The following ABCC1 variants were observed in gnomAD, a reference collection of about 807,000 sequenced individuals.
ABCC1 encodes the protein ATP binding cassette subfamily C member 1 (ABCC1 blood group).
Under a neutral mutation model 172.9 loss-of-function variants are expected in ABCC1, and 83 were observed. The observed-to-expected ratio is 0.48, with a 90% CI of 0.40 to 0.58. The LOEUF is 0.58. Ranked by LOEUF, ABCC1 falls within the 20% of genes least tolerant of loss-of-function variation. The probability of loss-of-function intolerance (pLI) is 0.00; values close to 1 mark genes in which losing one functional copy is unlikely to be tolerated. For missense variants in ABCC1, 1,817 were observed against 2,002.7 expected, an observed-to-expected ratio of 0.91 and a Z score of 1.77; for synonymous variants, 937 against 825.2, an observed-to-expected ratio of 1.14 and a Z score of -2.32.
rs2050358439 is a variant in ABCC1, at chr16:16,071,740, G to A, written c.1912+11G>A. 2 of 1,609,036 alleles carry A rather than the reference G, an allele frequency of 1.2e-6. No individual in the cohort carries two copies. Among genetic ancestry groups the A allele is most frequent in the South Asian group, 2.2e-5 (2 of 90,272 alleles). Reference sequence around the variant, plus strand: ...GGCCTGTCAAAGACGGTGTGTGTGTGTTCAGTCCTGGCTTCTGGAAGTGGC... The same window carrying A: ...GGCCTGTCAAAGACGGTGTGTGTGTATTCAGTCCTGGCTTCTGGAAGTGGC... On this transcript the variant is annotated intron_variant, in intron 14 of 30. Transcript: ENST00000399410.
intron 11 of ABCC1, among the ~76,000 whole-genome samples, chr16:16,054,298 A>G (rs1242951812): frequency 1.3e-5 from 2 of 151,898 alleles, no homozygotes; most frequent in Admixed American, 1.3e-4. Context: ...TGTGTGTGTG[A>G]TATTATTACC....
intron 27 of ABCC1, among the ~76,000 whole-genome samples, chr16:16,132,510 G>GGTTTTTTTTTTTTTT (rs1277380301): frequency 8.0e-5 from 3 of 37,298 alleles, no homozygotes; most frequent in Admixed American, 3.9e-4. Context: ...TTGGTTGGTT[G>GGTTTTTTTTTTTTTT]TTTTTTTTTT....
intron 1 of ABCC1, among the ~76,000 whole-genome samples, chr16:15,959,001 A>C (rs541023428): frequency 2.0e-5 from 3 of 152,264 alleles, no homozygotes; most frequent in African/African-American, 7.2e-5. Flanking sequence ...AGATGTTTCC[A>C]TATGTTCCCT....
chr16:16,037,340 C>T (rs2048795547), intron 7 of ABCC1, among the ~76,000 whole-genome samples: 1 of 152,188 alleles, frequency 6.6e-6, no homozygotes, highest in South Asian at 2.1e-4. Flanking sequence ...ATTTTAGGCT[C>T]TACCCCCTAT....
chr16:16,052,019 C>T (rs2049450779), intron 10 of ABCC1, among the ~76,000 whole-genome samples: 1 of 152,072 alleles, frequency 6.6e-6, no homozygotes, highest in South Asian at 2.1e-4. Context: ...TCGCTTGAGC[C>T]CATGAGTTTG....
At chr16:16,095,835 G>C (rs762738463) in intron 19 of ABCC1, among the ~76,000 whole-genome samples, 4 of 152,000 alleles carry the variant, frequency 2.6e-5, no homozygotes, top group Admixed American at 2.0e-4. Context: ...CCTGGCCCGT[G>C]GCCATTTTTC....
At chr16:15,973,091 A>G (rs538255955) in intron 1 of ABCC1, among the ~76,000 whole-genome samples, 1 of 152,042 alleles carries the variant, frequency 6.6e-6, no homozygotes, top group East Asian at 1.9e-4. Flanking sequence ...CATCACACTC[A>G]GCTAATGTTT....
Position 16,131,877 on chromosome 16 carries a change from G to T in ABCC1, c.3908G>T (p.Arg1303Leu). The T allele has an allele frequency of 1.2e-6, 2 of 1,614,174 alleles. No homozygotes were observed. Among genetic ancestry groups the T allele is most frequent in the Non-Finnish European group, 1.7e-6 (2 of 1,180,024 alleles). ...VEFRNYCLRY[R>L]EDLDFVLRHI... Reference sequence around the variant, plus strand: ...TTCCGGAACTACTGCCTGCGCTACCGAGAGGACCTGGACTTCGTTCTCAGG... The same window carrying T: ...TTCCGGAACTACTGCCTGCGCTACCTAGAGGACCTGGACTTCGTTCTCAGG... The change falls in exon 27 of 31, where the codon CGA (arginine) becomes CTA (leucine). Residue 1303 changes from arginine (R) to leucine (L), a missense_variant. Arg to Leu is a moderately radical substitution (Grantham distance 102). This residue lies in a region of ABCC1 where 1,412 missense variants were observed against 1,600.3 expected (regional missense o/e 0.88). Transcript: ENST00000399410.
At chr16:16,131,661 A>C (rs887973814) in intron 26 of ABCC1, 128 bp from the exon 27 acceptor site, 35 of 1,005,206 alleles carry the variant, frequency 3.5e-5, no homozygotes, top group African/African-American at 6.6e-5. Context: ...AGGAAGGGCA[A>C]CCCCCCAGTG....
At chr16:16,024,882 C>A (rs994715050) in intron 5 of ABCC1, among the ~76,000 whole-genome samples, 1 of 152,054 alleles carries the variant, frequency 6.6e-6, no homozygotes, top group Admixed American at 6.6e-5. Context: ...ACTACAGCAT[C>A]AAAAACCAGA....
chr16:16,126,975 T>G (rs549050331), intron 26 of ABCC1, among the ~76,000 whole-genome samples: 1 of 152,240 alleles, frequency 6.6e-6, no homozygotes, highest in Non-Finnish European at 1.5e-5. Flanking sequence ...CCCACGTGGC[T>G]TGGTAGAACA....
chr16:16,077,053 C>T (rs1269550582), intron 15 of ABCC1, among the ~76,000 whole-genome samples: 4 of 152,188 alleles, frequency 2.6e-5, no homozygotes, highest in Non-Finnish European at 2.9e-5. Flanking sequence ...CCCTACAGTC[C>T]TTACCTTTCC....
At chr16:15,963,915 T>C (rs1003720990) in intron 1 of ABCC1, among the ~76,000 whole-genome samples, 1 of 152,186 alleles carries the variant, frequency 6.6e-6, no homozygotes, top group African/African-American at 2.4e-5. Context: ...AATGGGTTTT[T>C]CTTTTTACAT....
At position 16,131,939 on chromosome 16, in the gene ABCC1, G is replaced by T. The variant is rs1363374758; in HGVS notation, c.3966+4G>T. ...CACGATCAATGGGGGAGAAAAGGTG[G>T]GTACACATCGCCCCATTCCCTCACC... On this transcript the variant is annotated splice_donor_region_variant and intron_variant, in intron 27 of 30. Coordinates refer to ENST00000399410, the MANE Select transcript of ABCC1 (RefSeq NM_004996.4). 4 of 1,613,102 alleles carry T rather than the reference G, an allele frequency of 2.5e-6. No individual in the cohort carries two copies. Among genetic ancestry groups the T allele is most frequent in the Non-Finnish European group, 3.4e-6 (4 of 1,179,498 alleles).
chr16:15,957,057 G>A (rs1198395615), intron 1 of ABCC1, among the ~76,000 whole-genome samples: 2 of 151,954 alleles, frequency 1.3e-5, no homozygotes, highest in Admixed American at 1.3e-4. Context: ...GAGTCCTCCA[G>A]CTTTCTCATC....
rs45567541 is a variant in ABCC1, at chr16:16,133,367, T to C, written c.3967-983T>C. On this transcript the variant is annotated intron_variant, in intron 27 of 30. Transcript: ENST00000399410. ...AGAGCAGAGTGGGTGATGTTCTTGC[T>C]GTCTTTTTTTGTTTTTGTTTTTGTT... 4.7e-3 allele frequency among the ~76,000 whole-genome samples: 681 copies of C among 143,716 alleles called. 4 individuals are homozygous for C. The highest frequency in any genetic ancestry group is 6.6e-3 in the Non-Finnish European group (438 of 66,296). The allele number at this position is 143,716 out of a possible 152,430, so 94.3% of individuals were successfully genotyped here.
chr16:16,115,301 G>A (rs2044809119), intron 23 of ABCC1, among the ~76,000 whole-genome samples: 1 of 151,988 alleles, frequency 6.6e-6, no homozygotes, highest in Admixed American at 6.6e-5. Flanking sequence ...TTTTCCACCT[G>A]TCAATTCAAA....
chr16:16,053,517 C>T (rs45493101), intron 11 of ABCC1, among the ~76,000 whole-genome samples: 3,146 of 151,848 alleles, frequency 0.021, 119 homozygotes, highest in African/African-American at 0.071. Context: ...CAAATCAAGC[C>T]GGGCTCACCC....
intron 19 of ABCC1, among the ~76,000 whole-genome samples, chr16:16,101,296 G>A (rs1388217457): frequency 6.6e-5 from 10 of 152,144 alleles, no homozygotes; most frequent in Admixed American, 6.6e-4. Flanking sequence ...GGCCTTGAAA[G>A]TGCTGGGGAT....
Sources: allele counts gnomAD v4.1 joint callset (sites outside exome capture counted in the v4.1 genomes callset), GRCh38; gene constraint gnomAD v4.1.1; regional missense constraint gnomAD v4.1.1; transcripts MANE v1.5; gene names NCBI Gene and HGNC (gene_info 2026-07-23, HGNC 2026-07-21).